The following RBFOX1 variants were observed in gnomAD, a reference collection of about 807,000 sequenced individuals.
RBFOX1 encodes the protein RNA binding protein fox-1 homolog 1.
RBFOX1 carries 8 observed loss-of-function variants against 57.7 expected under a neutral mutation model. That is an observed-to-expected ratio of 0.14 (90% CI 0.08 to 0.25). RBFOX1 has a LOEUF of 0.25. Among genes scored for constraint, RBFOX1 ranks in the 10% least tolerant of loss-of-function variants. The pLI is 1.00. For synonymous variants in RBFOX1, 326 were observed against 222.4 expected (o/e 1.47, Z -4.15); for missense variants, 611 against 548.5 (o/e 1.11, Z -1.14).
At chr16:6,870,495 C>T (rs1223538334) in intron 3 of RBFOX1, among the ~76,000 whole-genome samples, 1 of 152,116 alleles carries the variant, frequency 6.6e-6, no homozygotes, top group Admixed American at 6.6e-5. Context: ...TTAAGAGCTT[C>T]ATGATATTAT....
intron 2 of RBFOX1, among the ~76,000 whole-genome samples, chr16:6,357,401 C>T (rs545143141): frequency 6.6e-6 from 1 of 151,976 alleles, no homozygotes. Context: ...TTTCCTTATT[C>T]CCCGGACTCC....
At chr16:6,970,567 C>T (rs1255533285) in intron 3 of RBFOX1, among the ~76,000 whole-genome samples, 3 of 152,144 alleles carry the variant, frequency 2.0e-5, no homozygotes, top group Non-Finnish European at 4.4e-5. Flanking sequence ...ATAACTGGTG[C>T]CCTGGCGTTG....
intron 2 of RBFOX1, among the ~76,000 whole-genome samples, chr16:5,500,073 C>G (rs1007621528): frequency 1.3e-5 from 2 of 151,852 alleles, no homozygotes; most frequent in African/African-American, 4.8e-5. Context: ...TAATCATCAG[C>G]CTGCCTTCCT....
chr16:6,672,717 G>A (rs1055048271), intron 3 of RBFOX1, among the ~76,000 whole-genome samples: 1 of 152,066 alleles, frequency 6.6e-6, no homozygotes, highest in Non-Finnish European at 1.5e-5. Context: ...CTTGGGTTTG[G>A]CTTGCCTTGT....
intron 4 of RBFOX1, chr16:7,304,373 GC>G (rs1428025264): frequency 2.0e-6 from 2 of 985,386 alleles, no homozygotes; most frequent in East Asian, 2.3e-4. Flanking sequence ...CTCGGCGGGC[GC>G]CAGAGAGACA....
intron 9 of RBFOX1, among the ~76,000 whole-genome samples, chr16:7,606,310 A>T (rs143021231): frequency 4.2e-4 from 64 of 151,236 alleles, no homozygotes; most frequent in African/African-American, 1.4e-3. Flanking sequence ...TTTAGTAGAG[A>T]TGGGGTTTCA....
chr16:6,113,640 G>A (rs939700121), intron 1 of RBFOX1, among the ~76,000 whole-genome samples: 1 of 152,140 alleles, frequency 6.6e-6, no homozygotes, highest in Non-Finnish European at 1.5e-5. Context: ...CACAGTGAAG[G>A]GCAAGACTAA....
chr16:7,702,628 C>G (rs761912478), intron 14 of RBFOX1, among the ~76,000 whole-genome samples: 16 of 152,176 alleles, frequency 1.1e-4, no homozygotes, highest in Non-Finnish European at 2.1e-4. Context: ...TGCGCCCTCC[C>G]CTTCTGGTCT....
chr16:5,404,398 G>A (rs982741929), intron 1 of RBFOX1, among the ~76,000 whole-genome samples: 3 of 152,098 alleles, frequency 2.0e-5, no homozygotes, highest in African/African-American at 7.2e-5. Context: ...GAGGGAGGAG[G>A]AGCTCTGTCT....
chr16:5,763,018 C>G (rs933755166), intron 3 of RBFOX1, among the ~76,000 whole-genome samples: 1 of 152,070 alleles, frequency 6.6e-6, no homozygotes, highest in African/African-American at 2.4e-5. Context: ...TGAGCATGTA[C>G]TGTTTGCACA....
chr16:7,456,381 G>T (rs922815920), intron 4 of RBFOX1, among the ~76,000 whole-genome samples: 5 of 152,180 alleles, frequency 3.3e-5, no homozygotes, highest in African/African-American at 1.2e-4. Flanking sequence ...CATCTGCTAT[G>T]TTGATATATC....
chr16:6,907,548 T>C (rs2070352219), intron 3 of RBFOX1, among the ~76,000 whole-genome samples: 1 of 152,030 alleles, frequency 6.6e-6, no homozygotes, highest in Non-Finnish European at 1.5e-5. Context: ...GCCTCTCTCT[T>C]AGCTTCTGTT....
At chr16:7,421,102 C>A (rs2098538840) in intron 4 of RBFOX1, among the ~76,000 whole-genome samples, 1 of 152,006 alleles carries the variant, frequency 6.6e-6, no homozygotes, top group South Asian at 2.1e-4. Flanking sequence ...CTACGGTTGG[C>A]TTTTCTTGCT....
intron 3 of RBFOX1, among the ~76,000 whole-genome samples, chr16:6,655,204 T>C (rs184581905): frequency 2.6e-5 from 4 of 151,074 alleles, no homozygotes; most frequent in Non-Finnish European, 5.9e-5. Context: ...GGAAACCCCG[T>C]ATCTACTAAA....
At chr16:7,348,304 T>A (rs2097057880) in intron 4 of RBFOX1, among the ~76,000 whole-genome samples, 2 of 152,224 alleles carry the variant, frequency 1.3e-5, no homozygotes, top group Admixed American at 1.3e-4. Flanking sequence ...CCCTAAATAA[T>A]TCTTATCTAC....
chr16:6,730,799 C>G (rs962711387), intron 3 of RBFOX1, among the ~76,000 whole-genome samples: 2 of 152,158 alleles, frequency 1.3e-5, no homozygotes, highest in African/African-American at 4.8e-5. Flanking sequence ...ATTTCATTTA[C>G]TAGGAGTTTC....
intron 3 of RBFOX1, among the ~76,000 whole-genome samples, chr16:6,682,351 G>A (rs748032898): frequency 7.2e-5 from 11 of 152,192 alleles, no homozygotes; most frequent in Middle Eastern, 3.4e-3. Flanking sequence ...TGCTTGTACC[G>A]CAGTTGCTGC....
intron 3 of RBFOX1, among the ~76,000 whole-genome samples, chr16:6,724,879 C>T (rs1045779465): frequency 6.6e-6 from 1 of 151,998 alleles, no homozygotes; most frequent in African/African-American, 2.4e-5. Context: ...CTCTGCCTCC[C>T]CCAAAGCCAT....
chr16:5,912,360 A>G (rs771811356), intron 4 of RBFOX1, among the ~76,000 whole-genome samples: 19 of 152,152 alleles, frequency 1.2e-4, no homozygotes, highest in African/African-American at 4.6e-4. Context: ...ATGCCTGTAC[A>G]TTTAGCTGCG....
Sources: gnomAD v4.1 joint callset for allele counts (sites outside exome capture counted in the v4.1 genomes callset) on GRCh38, gnomAD v4.1.1 for gene constraint, MANE v1.5 for transcripts, NCBI Gene and HGNC (gene_info 2026-07-23, HGNC 2026-07-21) for gene names.